Variants in MARS1 observed in about 807,000 individuals in gnomAD.
MARS1 encodes the protein methionine--tRNA ligase, cytoplasmic.
A neutral mutation model predicts 119.5 loss-of-function variants in MARS1; 80 were observed. That is an observed-to-expected ratio of 0.67 (90% confidence interval 0.56 to 0.81). The LOEUF is 0.81. MARS1 is among the 30% of genes least tolerant of loss of function. MARS1 has a pLI of 0.00. For missense variants in MARS1, 945 were observed against 1,116.5 expected, an observed-to-expected ratio of 0.85 and a Z score of 2.19; for synonymous variants, 418 against 433.4, an observed-to-expected ratio of 0.96 and a Z score of 0.44.
chr12:57,514,142 C>T (rs1594834778), intron 15 of MARS1, among the ~76,000 whole-genome samples: 2 of 145,566 alleles, frequency 1.4e-5, no homozygotes, highest in African/African-American at 5.0e-5. Context: ...TCAGCTTGGT[C>T]ATTTTGAGTA....
intron 12 of MARS1, 59 bp downstream of exon 12, chr12:57,511,927 GA>G (rs1208513699): frequency 1.2e-6 from 2 of 1,608,062 alleles, no homozygotes; most frequent in African/African-American, 2.7e-5. Context: ...TGGGCTAGCA[GA>G]GTAGACTGCT....
chr12:57,513,313 G>A (rs561535686), intron 15 of MARS1, among the ~76,000 whole-genome samples: 1 of 152,212 alleles, frequency 6.6e-6, no homozygotes, highest in East Asian at 1.9e-4. Flanking sequence ...GGTTATTTTG[G>A]TGTGGGGGTA....
At chr12:57,514,113 G>A (rs1000825893) in intron 15 of MARS1, among the ~76,000 whole-genome samples, 1 of 147,268 alleles carries the variant, frequency 6.8e-6, no homozygotes, top group Non-Finnish European at 1.5e-5. Flanking sequence ...GTGTTTGTTT[G>A]ATAGCAGTTA....
Position 57,506,809 on chromosome 12 carries a change from G to A in MARS1, c.1368+2510G>A, listed in dbSNP as rs1220323883. Among the ~76,000 whole-genome samples, 3 of 151,344 alleles carry A rather than the reference G, an allele frequency of 2.0e-5. No homozygotes were observed. In the East Asian group the frequency reaches 5.8e-4, roughly 29 times the overall value. On this transcript the variant is annotated intron_variant, in intron 11 of 20. Coordinates refer to ENST00000262027, the MANE Select transcript of MARS1 (RefSeq NM_004990.4). ...CTCCTGTCTCAGCCTTCGAGTAGCTGGGATTACAGGCACATACCACCATGC... is the reference window on the plus strand; with the variant it reads ...CTCCTGTCTCAGCCTTCGAGTAGCTAGGATTACAGGCACATACCACCATGC...
At chr12:57,503,191 G>A (rs1877012800) in intron 10 of MARS1, among the ~76,000 whole-genome samples, 1 of 150,816 alleles carries the variant, frequency 6.6e-6, no homozygotes, top group Admixed American at 6.6e-5. Flanking sequence ...GTCAGTTTAT[G>A]CCACACAAAT....
chr12:57,493,932 T>TATATATA (rs1565641619), intron 7 of MARS1, among the ~76,000 whole-genome samples: 19 of 66,184 alleles, frequency 2.9e-4, no homozygotes, highest in African/African-American at 1.3e-3. Context: ...TAATATATAT[T>TATATATA]ATATATTATA....
intron 5 of MARS1, 33 bp from the exon 6 acceptor site, chr12:57,490,174 G>C (rs969407919): frequency 3.8e-6 from 6 of 1,598,342 alleles, no homozygotes; most frequent in African/African-American, 1.3e-5. Context: ...AGGTCCTTAT[G>C]TTTGCTGATT....
chr12:57,492,276 CAAAAA>C (rs1052995609), intron 7 of MARS1, among the ~76,000 whole-genome samples: 4 of 55,508 alleles, frequency 7.2e-5, no homozygotes, highest in African/African-American at 1.4e-4. Context: ...AAGACTGTCT[CAAAAA>C]AAAAAAAAAA....
intron 4 of MARS1, 154 bp downstream of exon 4, chr12:57,489,712 A>T (rs954179864): frequency 8.3e-7 from 1 of 1,203,612 alleles, no homozygotes; most frequent in Non-Finnish European, 1.2e-6. Flanking sequence ...AATTTTTTTC[A>T]GTTGTGAAAT....
At position 57,489,430 on chromosome 12, in the gene MARS1, TTGTC is replaced by T; in HGVS notation, c.289_292del (p.Ser97LeufsTer6). 6.2e-7 allele frequency: 1 copy of T among 1,614,114 alleles called. No individual in the cohort carries two copies. Among genetic ancestry groups the T allele is most frequent in the African/African-American group, 1.3e-5 (1 of 75,022 alleles). On this transcript the variant is annotated frameshift_variant, in exon 4 of 21. Transcript: ENST00000262027. LOFTEE classifies it high-confidence loss of function. ...CATGTCCCCTGCATTTTAGCCAGCT[TTGTC>T]TGCTGCCCTGTACTATTTAGTGGTC...
At chr12:57,516,107 CACTT>C in intron 19 of MARS1, 116 bp downstream of exon 19, 1 of 1,379,430 alleles carries the variant, frequency 7.2e-7, no homozygotes, top group Non-Finnish European at 1.0e-6. Context: ...GCCGCTTCCT[CACTT>C]ACAGTTTTTC....
rs183956672 is a variant in MARS1 at position 57,512,414 on chromosome 12, T to G, written c.1753+61T>G. ...TAGGAAATGAGGGGTGAGGCAGTAC[T>G]TGGAAAAAGATCTTGGAGAGCTGCT... On this transcript the variant is annotated intron_variant, in intron 14 of 20. Transcript: ENST00000262027. 5.3e-5 allele frequency: 63 copies of G among 1,193,798 alleles called. No homozygotes were observed. In the East Asian group the frequency reaches 1.4e-3, roughly 27 times the overall value. The allele number at this position is 1,193,798 out of a possible 1,614,324, so 74.0% of individuals were successfully genotyped here.
chr12:57,503,722 A>C (rs1426845254), intron 10 of MARS1, among the ~76,000 whole-genome samples: 1 of 151,926 alleles, frequency 6.6e-6, no homozygotes, highest in Non-Finnish European at 1.5e-5. Flanking sequence ...TTGTATTTTT[A>C]GTAGATACGG....
Position 57,490,312 on chromosome 12 carries a change from G to T in MARS1, c.596G>T (p.Arg199Leu), listed in dbSNP as rs150202199. 4 of 1,612,722 alleles carry T rather than the reference G, an allele frequency of 2.5e-6. No individual in the cohort carries two copies. The African/African-American group carries it at 4.0e-5, about 16-fold the overall frequency. Residue 199 changes from arginine (R) to leucine (L), a missense_variant, in exon 6 of 21, where the codon CGG becomes CTG. Transcript: ENST00000262027. ...VLKQQGVLAL[R>L]PYLQKQPQPS... Reference sequence around the variant, plus strand: ...AAACAGCAAGGTGTCCTGGCTCTCCGGCCTTACCTCCAAAAGCAGCCCCAG... The same window carrying T: ...AAACAGCAAGGTGTCCTGGCTCTCCTGCCTTACCTCCAAAAGCAGCCCCAG...
rs1877528292 is a variant in MARS1 at position 57,511,727 on chromosome 12, G to A, written c.1398G>A (p.Gly466=). The A allele has an allele frequency of 1.2e-6, 2 of 1,614,052 alleles. No individual in the cohort carries two copies. The highest frequency in any genetic ancestry group is 8.5e-7 in the Non-Finnish European group (1 of 1,180,026). The change falls in exon 12 of 21, where the codon GGG becomes GGA. Residue 466 remains glycine (G), a synonymous_variant. Coordinates refer to ENST00000262027, the MANE Select transcript of MARS1 (RefSeq NM_004990.4). The stretch of plus-strand genomic sequence containing the variant: ...AGAAGCGACTGGAGGAGTGGTTGGG[G>A]AGGACATTGCCTGGCAGTGACTGGA... The part of the protein sequence containing the change: ...KLEKRLEEWL[G]RTLPGSDWTP...
intron 1 of MARS1, chr12:57,488,591 C>G (rs528663380): frequency 1.3e-6 from 2 of 1,551,124 alleles, no homozygotes; most frequent in African/African-American, 2.7e-5. Context: ...CTAACACACA[C>G]ACACGTTCCT....
intron 11 of MARS1, among the ~76,000 whole-genome samples, chr12:57,510,259 G>A (rs1877442954): frequency 6.6e-6 from 1 of 151,740 alleles, no homozygotes; most frequent in African/African-American, 2.4e-5. Context: ...GGATCATGAG[G>A]TCAATAGACC....
intron 9 of MARS1, 32 bp from the exon 10 acceptor site, chr12:57,500,289 G>T (rs192567566): frequency 6.3e-6 from 10 of 1,599,524 alleles, no homozygotes; most frequent in Admixed American, 3.3e-5. Flanking sequence ...TCTTCTGACT[G>T]TCTCTTCCTG....
intron 19 of MARS1, 74 bp downstream of exon 19, chr12:57,516,065 C>A: frequency 6.7e-7 from 1 of 1,485,800 alleles, no homozygotes; most frequent in Non-Finnish European, 9.4e-7. Flanking sequence ...CTAAGTAGTC[C>A]TCACCCATCA....
Sources: allele counts gnomAD v4.1 joint callset (sites outside exome capture counted in the v4.1 genomes callset), GRCh38; gene constraint gnomAD v4.1.1; transcripts MANE v1.5; gene names NCBI Gene and HGNC (gene_info 2026-07-23, HGNC 2026-07-21).